The following GPC6 variants were observed in gnomAD, a reference collection of about 807,000 sequenced individuals.
GPC6 encodes the protein glypican-6.
Under a neutral mutation model 55.2 loss-of-function variants are expected in GPC6, and 14 were observed. The ratio of observed to expected loss-of-function variants is 0.25; its 90% CI spans 0.17 to 0.40. The LOEUF (loss-of-function observed/expected upper bound fraction) is 0.40. GPC6 is among the 10% of genes least tolerant of loss of function. GPC6 has a pLI of 1.00. For missense variants in GPC6, 641 were observed against 708.5 expected (o/e 0.90, Z 1.08); for synonymous variants, 278 against 259.6 (o/e 1.07, Z -0.68).
At chr13:94,241,701 T>C (rs1213918256) in intron 4 of GPC6, among the ~76,000 whole-genome samples, 1 of 152,042 alleles carries the variant, frequency 6.6e-6, no homozygotes, top group Non-Finnish European at 1.5e-5. Flanking sequence ...CTGTATTAAC[T>C]TCCAAAGAGT....
intron 2 of GPC6, among the ~76,000 whole-genome samples, chr13:93,779,559 T>C (rs774237892): frequency 1.3e-5 from 2 of 152,174 alleles, no homozygotes; most frequent in African/African-American, 2.4e-5. Context: ...ATTTCACTGT[T>C]ATCCATCACA....
At chr13:93,506,436 A>AT (rs369919444) in intron 1 of GPC6, among the ~76,000 whole-genome samples, 7 of 152,314 alleles carry the variant, frequency 4.6e-5, no homozygotes, top group African/African-American at 1.7e-4. Flanking sequence ...AATGATCATT[A>AT]TACTAGCATG....
intron 3 of GPC6, among the ~76,000 whole-genome samples, chr13:94,021,367 G>A (rs1400040123): frequency 6.6e-6 from 1 of 151,924 alleles, no homozygotes; most frequent in Non-Finnish European, 1.5e-5. Flanking sequence ...AATAGCTAAT[G>A]TGAGCATCCA....
At chr13:94,019,401 G>A (rs75312158) in intron 3 of GPC6, among the ~76,000 whole-genome samples, 5,161 of 152,242 alleles carry the variant, frequency 0.034, 300 homozygotes, top group African/African-American at 0.12. Flanking sequence ...TCATAGTTCA[G>A]GCGCTTAGAA....
intron 2 of GPC6, among the ~76,000 whole-genome samples, chr13:93,621,147 C>T (rs567618923): frequency 1.3e-5 from 2 of 151,986 alleles, no homozygotes; most frequent in Non-Finnish European, 2.9e-5. Context: ...TGGTGCTCTA[C>T]TCTCTATAAT....
intron 6 of GPC6, among the ~76,000 whole-genome samples, chr13:94,311,116 G>T (rs975713101): frequency 6.6e-6 from 1 of 152,124 alleles, no homozygotes; most frequent in Non-Finnish European, 1.5e-5. Context: ...CCCCAATATG[G>T]GGCTGAGGAC....
chr13:93,500,624 C>A (rs986706369), intron 1 of GPC6, among the ~76,000 whole-genome samples: 2 of 152,050 alleles, frequency 1.3e-5, no homozygotes, highest in Admixed American at 1.3e-4. Context: ...TATTTGGAAC[C>A]AAATCAATGC....
Position 93,830,100 on chromosome 13 carries a change from C to T in GPC6, c.320-54C>T. On this transcript the variant is annotated intron_variant, in intron 2 of 8. Coordinates refer to ENST00000377047, the MANE Select transcript of GPC6 (RefSeq NM_005708.5). The stretch of plus-strand genomic sequence containing the variant: ...CAGTTGTACTTAAGGTAAGTGGGTG[C>T]CTTGGGCTTTCTAGATTTCATTAAT... 2.9e-6 allele frequency: 4 copies of T among 1,381,100 alleles called. No individual in the cohort carries two copies. In the Admixed American group the frequency reaches 7.4e-5, roughly 26 times the overall value. The allele number at this position is 1,381,100 out of a possible 1,614,324, so 85.6% of individuals were successfully genotyped here.
chr13:93,575,915 T>C (rs747929004), intron 2 of GPC6, among the ~76,000 whole-genome samples: 8 of 152,166 alleles, frequency 5.3e-5, no homozygotes, highest in Non-Finnish European at 1.0e-4. Flanking sequence ...TTTTTTCTTC[T>C]TTTTTTCAAC....
chr13:93,578,061 T>C (rs1876749979), intron 2 of GPC6, among the ~76,000 whole-genome samples: 1 of 152,152 alleles, frequency 6.6e-6, no homozygotes, highest in Non-Finnish European at 1.5e-5. Flanking sequence ...CAGTTGATCC[T>C]AGTGAATGAT....
intron 1 of GPC6, among the ~76,000 whole-genome samples, chr13:93,532,215 T>C (rs1272504245): frequency 6.6e-6 from 1 of 152,170 alleles, no homozygotes; most frequent in East Asian, 1.9e-4. Context: ...CCTGGACTGT[T>C]TGCATGTAGT....
chr13:93,632,590 A>AATATATATAGGTGTATAT (rs71202591), intron 2 of GPC6, among the ~76,000 whole-genome samples: 1 of 99,300 alleles, frequency 1.0e-5, no homozygotes, highest in Non-Finnish European at 2.5e-5. Flanking sequence ...CCATGTCTCA[A>AATATATATAGGTGTATAT]ATATATGTAT....
chr13:93,324,171 G>A (rs1164021008), intron 1 of GPC6, among the ~76,000 whole-genome samples: 2 of 152,128 alleles, frequency 1.3e-5, no homozygotes, highest in Non-Finnish European at 2.9e-5. Context: ...ACATCATTTT[G>A]TTGAGTGAAA....
chr13:94,292,277 A>ACCCTAC (rs10674546), intron 5 of GPC6, among the ~76,000 whole-genome samples: 1 of 151,706 alleles, frequency 6.6e-6, no homozygotes, highest in African/African-American at 2.4e-5. Flanking sequence ...CCTAACCCTA[A>ACCCTAC]TGATGTCAGT....
intron 3 of GPC6, among the ~76,000 whole-genome samples, chr13:93,869,599 A>G (rs984075485): frequency 2.6e-5 from 4 of 151,954 alleles, no homozygotes; most frequent in Non-Finnish European, 5.9e-5. Flanking sequence ...CAGTCACTTC[A>G]GAATCCATGC....
intron 4 of GPC6, among the ~76,000 whole-genome samples, chr13:94,162,289 T>C (rs1485878495): frequency 6.6e-6 from 1 of 152,196 alleles, no homozygotes; most frequent in Non-Finnish European, 1.5e-5. Context: ...TCCCTGAGAC[T>C]GGCCACCTTG....
intron 1 of GPC6, among the ~76,000 whole-genome samples, chr13:93,376,265 G>T (rs1342322981): frequency 1.3e-5 from 2 of 151,858 alleles, no homozygotes; most frequent in African/African-American, 4.8e-5. Context: ...ATTATGGGCT[G>T]GTTTTACTGA....
intron 1 of GPC6, among the ~76,000 whole-genome samples, chr13:93,434,023 T>C (rs1327613153): frequency 6.6e-6 from 1 of 152,218 alleles, no homozygotes; most frequent in Non-Finnish European, 1.5e-5. Context: ...TAGGATAATA[T>C]GTACTATATG....
chr13:94,180,118 A>G (rs1434748425), intron 4 of GPC6, among the ~76,000 whole-genome samples: 1 of 152,138 alleles, frequency 6.6e-6, no homozygotes, highest in Non-Finnish European at 1.5e-5. Flanking sequence ...GGGAGTAGAG[A>G]GGGTACAAGG....
Sources: gnomAD v4.1 joint callset for allele counts (sites outside exome capture counted in the v4.1 genomes callset) on GRCh38, gnomAD v4.1.1 for gene constraint, MANE v1.5 for transcripts, NCBI Gene and HGNC (gene_info 2026-07-23, HGNC 2026-07-21) for gene names.